Variants in PLCB1 observed in about 807,000 individuals in gnomAD.
PLCB1 encodes the protein 1-phosphatidylinositol 4,5-bisphosphate phosphodiesterase beta-1.
Under a neutral mutation model 161.8 loss-of-function variants are expected in PLCB1, and 46 were observed. The observed-to-expected ratio is 0.28, with a 90% CI of 0.22 to 0.36. The LOEUF is 0.36. PLCB1 is among the 10% of genes least tolerant of loss of function. PLCB1 has a pLI of 1.00. For missense variants in PLCB1, 1,016 were observed against 1,472.5 expected (o/e 0.69, Z 5.07); for synonymous variants, 517 against 503.7 (o/e 1.03, Z -0.35).
At chr20:8,399,616 A>G (rs541153443) in intron 3 of PLCB1, among the ~76,000 whole-genome samples, 69 of 152,138 alleles carry the variant, frequency 4.5e-4, no homozygotes, top group Non-Finnish European at 9.1e-4. Context: ...TATTACTCTC[A>G]ATACTATTCT....
At chr20:8,286,174 AT>A (rs2123293178) in intron 2 of PLCB1, among the ~76,000 whole-genome samples, 1 of 152,236 alleles carries the variant, frequency 6.6e-6, no homozygotes, top group African/African-American at 2.4e-5. Flanking sequence ...AAATACAAAG[AT>A]TTGCCGGGCG....
intron 3 of PLCB1, among the ~76,000 whole-genome samples, chr20:8,546,998 C>T (rs1985576476): frequency 6.6e-6 from 1 of 152,126 alleles, no homozygotes; most frequent in Non-Finnish European, 1.5e-5. Context: ...AATTGGAAAT[C>T]AAGGCTTGGC....
chr20:8,229,172 T>G (rs1979871037), intron 2 of PLCB1, among the ~76,000 whole-genome samples: 1 of 152,240 alleles, frequency 6.6e-6, no homozygotes, highest in African/African-American at 2.4e-5. Flanking sequence ...AGCAGGCTTT[T>G]TCCTGAATAC....
intron 2 of PLCB1, among the ~76,000 whole-genome samples, chr20:8,209,964 A>G (rs1978734696): frequency 6.6e-6 from 1 of 151,992 alleles, no homozygotes; most frequent in Non-Finnish European, 1.5e-5. Context: ...TAGCTTTCCA[A>G]GCAGCTAAGG....
chr20:8,858,936 G>A (rs913183773), intron 31 of PLCB1, among the ~76,000 whole-genome samples: 6 of 132,354 alleles, frequency 4.5e-5, no homozygotes, highest in African/African-American at 1.1e-4. Context: ...AAAAAAATTA[G>A]AGTAGTGGAA....
intron 2 of PLCB1, among the ~76,000 whole-genome samples, chr20:8,339,746 G>GTTAC (rs140635915): frequency 0.011 from 1,626 of 152,266 alleles, 25 homozygotes; most frequent in African/African-American, 0.037. Context: ...CTTTGGGCCA[G>GTTAC]TTACTTAACA....
chr20:8,650,761 G>A (rs7273160), intron 7 of PLCB1, among the ~76,000 whole-genome samples: 2 of 152,102 alleles, frequency 1.3e-5, no homozygotes, highest in Non-Finnish European at 2.9e-5. Context: ...AGATGTATAA[G>A]CTATGTAAGC....
At chr20:8,545,430 CAA>C (rs546761300) in intron 3 of PLCB1, among the ~76,000 whole-genome samples, 76 of 152,246 alleles carry the variant, frequency 5.0e-4, no homozygotes, top group Middle Eastern at 3.4e-3. Flanking sequence ...TCGTATGACT[CAA>C]AGTGTGTCAG....
intron 2 of PLCB1, among the ~76,000 whole-genome samples, chr20:8,346,225 T>G (rs988753157): frequency 6.6e-6 from 1 of 152,216 alleles, no homozygotes; most frequent in African/African-American, 2.4e-5. Context: ...AACTTCACCC[T>G]TCTGTGTTTT....
At position 8,248,698 on chromosome 20, in the gene PLCB1, C is replaced by T. The variant is rs187860588; in HGVS notation, c.177+98327C>T. 1.2e-4 allele frequency: 18 copies of T among 152,028 alleles called. No individual in the cohort carries two copies. In the East Asian group the frequency reaches 2.5e-3, roughly 21 times the overall value. 9.4% of individuals were successfully genotyped at this position (152,028 alleles called of 1,614,324 possible). A position where few individuals can be genotyped will look rare whatever the true frequency, so the allele number is the denominator to read the frequency against. ...CTAAAGCAGTATCAGTCCAGAGAAACGAGTCTATCTTTGAAGACCAAATAC... is the reference window on the plus strand; with the variant it reads ...CTAAAGCAGTATCAGTCCAGAGAAATGAGTCTATCTTTGAAGACCAAATAC... On this transcript the variant is annotated intron_variant, in intron 2 of 31. Coordinates refer to ENST00000338037, the MANE Select transcript of PLCB1 (RefSeq NM_015192.4).
At chr20:8,358,235 A>G (rs1986425602) in intron 2 of PLCB1, among the ~76,000 whole-genome samples, 1 of 149,766 alleles carries the variant, frequency 6.7e-6, no homozygotes, top group African/African-American at 2.5e-5. Context: ...GGCATGGCCC[A>G]TGGTTTGTCC....
At chr20:8,524,809 A>C (rs1337598093) in intron 3 of PLCB1, among the ~76,000 whole-genome samples, 1 of 152,166 alleles carries the variant, frequency 6.6e-6, no homozygotes, top group Non-Finnish European at 1.5e-5. Flanking sequence ...AGTCATCTAA[A>C]AATAATATCT....
At chr20:8,681,086 G>GTGTATATATATATATATA (rs1394518085) in intron 9 of PLCB1, among the ~76,000 whole-genome samples, 3 of 73,842 alleles carry the variant, frequency 4.1e-5, no homozygotes, top group South Asian at 8.5e-4. Context: ...ATGTGTGTGT[G>GTGTATATATATATATATA]TATATATATA....
At chr20:8,381,764 G>T (rs1987260457) in intron 3 of PLCB1, among the ~76,000 whole-genome samples, 1 of 152,168 alleles carries the variant, frequency 6.6e-6, no homozygotes, top group Non-Finnish European at 1.5e-5. Context: ...ATGGTAGTTT[G>T]TATTTCTATG....
At chr20:8,365,687 G>A (rs77823563) in intron 2 of PLCB1, among the ~76,000 whole-genome samples, 5,198 of 152,256 alleles carry the variant, frequency 0.034, 113 homozygotes, top group Middle Eastern at 0.061. Context: ...TTGGCAGTCA[G>A]TAAAATATAT....
At chr20:8,200,355 G>T (rs2052080087) in intron 2 of PLCB1, among the ~76,000 whole-genome samples, 2 of 151,824 alleles carry the variant, frequency 1.3e-5, no homozygotes, top group Admixed American at 6.6e-5. Context: ...AATCTACCTG[G>T]AGTCAATTTC....
intron 3 of PLCB1, among the ~76,000 whole-genome samples, chr20:8,482,000 G>A (rs911627911): frequency 1.3e-5 from 2 of 151,216 alleles, no homozygotes; most frequent in African/African-American, 4.9e-5. Flanking sequence ...ATGAACATTC[G>A]CAGCTTGAAG....
intron 2 of PLCB1, among the ~76,000 whole-genome samples, chr20:8,248,005 G>C (rs1980964908): frequency 6.6e-6 from 1 of 151,832 alleles, no homozygotes; most frequent in Non-Finnish European, 1.5e-5. Context: ...TGATAAACTA[G>C]TCCTCTGTCC....
At chr20:8,235,421 C>T (rs1260498552) in intron 2 of PLCB1, among the ~76,000 whole-genome samples, 1 of 151,870 alleles carries the variant, frequency 6.6e-6, no homozygotes, top group African/African-American at 2.4e-5. Flanking sequence ...ATTATTACTT[C>T]TACAGATAAA....
Sources: allele counts gnomAD v4.1 joint callset (sites outside exome capture counted in the v4.1 genomes callset), GRCh38; gene constraint gnomAD v4.1.1; transcripts MANE v1.5; gene names NCBI Gene and HGNC (gene_info 2026-07-23, HGNC 2026-07-21).